LRCH1: variants seen among roughly 807,000 people sequenced by gnomAD.
LRCH1 encodes the protein leucine rich repeats and calponin homology domain containing 1, also known as leucine-rich repeat and calponin homology domain-containing protein 1.
In LRCH1, 23 loss-of-function variants were observed where a neutral mutation model predicts 94.9. The observed-to-expected ratio is 0.24, with a 90% CI of 0.17 to 0.34. The LOEUF (loss-of-function observed/expected upper bound fraction) is 0.34, where lower values mean the gene tolerates loss of function less well. Ranked by LOEUF, LRCH1 falls within the 10% of genes least tolerant of loss-of-function variation. The pLI, the probability that LRCH1 is intolerant of heterozygous loss-of-function variation, is 1.00. For missense variants in LRCH1, 790 were observed against 945.9 expected, an observed-to-expected ratio of 0.84 and a Z score of 2.16; for synonymous variants, 364 against 354.9, an observed-to-expected ratio of 1.03 and a Z score of -0.29.
chr13:46,734,359 T>G (rs74532609), intron 19 of LRCH1, among the ~76,000 whole-genome samples: 2,463 of 152,264 alleles, frequency 0.016, 69 homozygotes, highest in African/African-American at 0.052. Flanking sequence ...GAGCTGATGG[T>G]TTTCTTATCC....
chr13:46,645,902 A>G (rs1182636111), intron 1 of LRCH1, among the ~76,000 whole-genome samples: 1 of 152,198 alleles, frequency 6.6e-6, no homozygotes, highest in African/African-American at 2.4e-5. Context: ...ATTCAATTAG[A>G]TAGTATAGTT....
chr13:46,655,494 A>G (rs532124615), intron 2 of LRCH1, among the ~76,000 whole-genome samples: 1 of 152,362 alleles, frequency 6.6e-6, no homozygotes, highest in African/African-American at 2.4e-5. Flanking sequence ...TATATGTGCC[A>G]CTGTGTCTTT....
intron 1 of LRCH1, among the ~76,000 whole-genome samples, chr13:46,625,574 CGGACTCCTTGAGCCT>C (rs1223514186): frequency 6.7e-6 from 1 of 150,252 alleles, no homozygotes; most frequent in Non-Finnish European, 1.5e-5. Context: ...TCCTTGAGCC[CGGACTCCTTGAGCCT>C]GGACTCCTCA....
At chr13:46,619,325 G>C (rs1241242997) in intron 1 of LRCH1, among the ~76,000 whole-genome samples, 3 of 152,066 alleles carry the variant, frequency 2.0e-5, no homozygotes. Context: ...TGGCCAGGCT[G>C]GTCTCGGACT....
intron 1 of LRCH1, among the ~76,000 whole-genome samples, chr13:46,605,279 A>G (rs2050675159): frequency 6.6e-6 from 1 of 152,228 alleles, no homozygotes; most frequent in Non-Finnish European, 1.5e-5. Context: ...CTTAGGTTAC[A>G]GAGTGTTTTC....
At chr13:46,594,158 C>T (rs997893353) in intron 1 of LRCH1, among the ~76,000 whole-genome samples, 5 of 151,634 alleles carry the variant, frequency 3.3e-5, no homozygotes, top group Admixed American at 6.6e-5. Context: ...GTCTGAGTCC[C>T]GAAAACAAGT....
At chr13:46,738,467 A>G (rs947249169) in intron 19 of LRCH1, among the ~76,000 whole-genome samples, 2 of 152,188 alleles carry the variant, frequency 1.3e-5, no homozygotes, top group African/African-American at 4.8e-5. Context: ...CCCACTTTAC[A>G]CCTCTTGTGA....
In LRCH1 at chr13:46,557,984, C is replaced by G. The variant is rs2050084881; in HGVS notation, c.307+4281C>G. Among the ~76,000 whole-genome samples the G allele has an allele frequency of 2.0e-5, 3 of 152,310 alleles. No individual in the cohort carries two copies. In the South Asian group the frequency reaches 6.2e-4, roughly 32 times the overall value. ...CCATAGGTTGAGGCTGCAGTGAAAG[C>G]CATGATCGCGCCACTGCACTCCAGC... On this transcript the variant is annotated intron_variant, in intron 1 of 19. Transcript: ENST00000389797.
At chr13:46,684,256 T>TTTA (rs397689160) in intron 4 of LRCH1, among the ~76,000 whole-genome samples, 6 of 152,008 alleles carry the variant, frequency 3.9e-5, no homozygotes, top group African/African-American at 1.4e-4. Flanking sequence ...CTTTTTTTTT[T>TTTA]ACCTTTCCTG....
At chr13:46,571,730 T>G (rs1308567335) in intron 1 of LRCH1, among the ~76,000 whole-genome samples, 1 of 152,204 alleles carries the variant, frequency 6.6e-6, no homozygotes, top group Non-Finnish European at 1.5e-5. Context: ...GCTCTGTCAC[T>G]TAGCAGTTGG....
intron 2 of LRCH1, among the ~76,000 whole-genome samples, chr13:46,651,530 C>G (rs1345050469): frequency 6.6e-6 from 1 of 151,798 alleles, no homozygotes; most frequent in Non-Finnish European, 1.5e-5. Context: ...CGTGGTGGCG[C>G]ATGCCTATAA....
At chr13:46,673,722 TAGACTC>T (rs760428268) in intron 3 of LRCH1, among the ~76,000 whole-genome samples, 54 of 151,978 alleles carry the variant, frequency 3.6e-4, no homozygotes, top group Non-Finnish European at 5.9e-4. Flanking sequence ...TTGTTCACAT[TAGACTC>T]AGAGTATTCC....
chr13:46,554,420 C>G (rs2050040254), intron 1 of LRCH1, among the ~76,000 whole-genome samples: 1 of 152,120 alleles, frequency 6.6e-6, no homozygotes, highest in African/African-American at 2.4e-5. Flanking sequence ...TGCTCACCGC[C>G]CACACAGTTT....
chr13:46,613,653 T>C (rs1252561201), intron 1 of LRCH1, among the ~76,000 whole-genome samples: 1 of 152,204 alleles, frequency 6.6e-6, no homozygotes, highest in Non-Finnish European at 1.5e-5. Flanking sequence ...TGGGCTCTAC[T>C]CACAGAGATT....
chr13:46,608,249 G>T (rs1295244820), intron 1 of LRCH1, among the ~76,000 whole-genome samples: 2 of 152,110 alleles, frequency 1.3e-5, no homozygotes, highest in African/African-American at 4.8e-5. Flanking sequence ...ACGTGTTCTT[G>T]TGCGACCTCC....
chr13:46,604,631 C>T (rs1364428365), intron 1 of LRCH1, among the ~76,000 whole-genome samples: 1 of 152,170 alleles, frequency 6.6e-6, no homozygotes, highest in African/African-American at 2.4e-5. Context: ...TGCCCTCAGC[C>T]TCTGATGTTC....
intron 1 of LRCH1, among the ~76,000 whole-genome samples, chr13:46,626,744 C>T (rs758054691): frequency 6.6e-6 from 1 of 152,142 alleles, no homozygotes; most frequent in Non-Finnish European, 1.5e-5. Context: ...AGTTTTGTTG[C>T]TCTTCTACTT....
intron 2 of LRCH1, among the ~76,000 whole-genome samples, chr13:46,661,580 A>C (rs1381089395): frequency 6.6e-6 from 1 of 152,192 alleles, no homozygotes; most frequent in Non-Finnish European, 1.5e-5. Context: ...TCTGTGTAAA[A>C]ATGTTAGAAC....
intron 1 of LRCH1, among the ~76,000 whole-genome samples, chr13:46,640,357 C>G (rs2138062054): frequency 6.6e-6 from 1 of 152,282 alleles, no homozygotes; most frequent in African/African-American, 2.4e-5. Context: ...TATTAATGTC[C>G]TCATGTTACA....
Sources: gnomAD v4.1 joint callset for allele counts (sites outside exome capture counted in the v4.1 genomes callset) on GRCh38, gnomAD v4.1.1 for gene constraint, MANE v1.5 for transcripts, NCBI Gene and HGNC (gene_info 2026-07-23, HGNC 2026-07-21) for gene names.